ULK4: variants seen among roughly 807,000 people sequenced by gnomAD.
ULK4 encodes the protein inactive serine/threonine-protein kinase ULK4.
Under a neutral mutation model 160.6 loss-of-function variants are expected in ULK4, and 133 were observed. The observed-to-expected ratio is 0.83, with a 90% CI of 0.72 to 0.96. The LOEUF (loss-of-function observed/expected upper bound fraction) is 0.96. ULK4 is among the 40% of genes least tolerant of loss of function. The probability of loss-of-function intolerance (pLI) is 0.00; values close to 1 mark genes in which losing one functional copy is unlikely to be tolerated. For synonymous variants in ULK4, 534 were observed against 539.8 expected, an observed-to-expected ratio of 0.99 and a Z score of 0.15; for missense variants, 1,580 against 1,499.5, an observed-to-expected ratio of 1.05 and a Z score of -0.89.
chr3:41,689,030 A>G (rs1455124100), intron 27 of ULK4, among the ~76,000 whole-genome samples: 1 of 152,174 alleles, frequency 6.6e-6, no homozygotes, highest in Non-Finnish European at 1.5e-5. Flanking sequence ...CCGACTAGAG[A>G]AAGCCAAAAA....
chr3:41,507,135 C>CA (rs11368634), intron 32 of ULK4, among the ~76,000 whole-genome samples: 62,780 of 121,180 alleles, frequency 0.52, 16,646 homozygotes, highest in Admixed American at 0.64. Flanking sequence ...AGATTCCGGC[C>CA]AAAAAAAAAA....
At chr3:41,484,224 G>A (rs1043393625) in intron 32 of ULK4, among the ~76,000 whole-genome samples, 27 of 151,962 alleles carry the variant, frequency 1.8e-4, no homozygotes, top group South Asian at 4.2e-4. Flanking sequence ...AATAAATATA[G>A]GATGTCTCCA....
intron 32 of ULK4, among the ~76,000 whole-genome samples, chr3:41,518,105 A>G (rs1631110): frequency 0.42 from 64,241 of 151,970 alleles, 15,062 homozygotes; most frequent in Non-Finnish European, 0.52. Context: ...TCCAGAAATA[A>G]TTATGGTGGA....
chr3:41,780,275 T>C (rs927147946), intron 21 of ULK4, among the ~76,000 whole-genome samples: 1 of 151,978 alleles, frequency 6.6e-6, no homozygotes, highest in Non-Finnish European at 1.5e-5. Flanking sequence ...ACCACTGTAC[T>C]CCAGCCTCGG....
chr3:41,863,543 A>C (rs1200167563), intron 17 of ULK4, among the ~76,000 whole-genome samples: 1 of 151,262 alleles, frequency 6.6e-6, no homozygotes, highest in African/African-American at 2.4e-5. Flanking sequence ...ACAACTAGTT[A>C]TGTGGTAAGT....
At chr3:41,924,089 T>C (rs1451568319) in intron 5 of ULK4, among the ~76,000 whole-genome samples, 1 of 152,152 alleles carries the variant, frequency 6.6e-6, no homozygotes, top group Non-Finnish European at 1.5e-5. Flanking sequence ...TTCGATATTA[T>C]TTTTATGCAG....
At chr3:41,752,011 C>T (rs1333099698) in intron 22 of ULK4, among the ~76,000 whole-genome samples, 1 of 152,112 alleles carries the variant, frequency 6.6e-6, no homozygotes, top group African/African-American at 2.4e-5. Flanking sequence ...TGGTGAGGAA[C>T]AGGGGTATTA....
At chr3:41,784,496 AT>A (rs1223777238) in intron 21 of ULK4, among the ~76,000 whole-genome samples, 2 of 152,144 alleles carry the variant, frequency 1.3e-5, no homozygotes, top group Non-Finnish European at 2.9e-5. Context: ...TTTTACTTTG[AT>A]TTTTAATCAA....
intron 17 of ULK4, chr3:41,882,177 G>A: frequency 1.4e-6 from 1 of 702,278 alleles, no homozygotes; most frequent in Non-Finnish European, 2.6e-6. Context: ...TATTTATTTT[G>A]AAATATTTGT....
chr3:41,530,614 C>A (rs1352833629), intron 32 of ULK4, among the ~76,000 whole-genome samples: 1 of 152,120 alleles, frequency 6.6e-6, no homozygotes, highest in Non-Finnish European at 1.5e-5. Context: ...GAGTTCTCTG[C>A]CAACCTACAG....
intron 35 of ULK4, among the ~76,000 whole-genome samples, chr3:41,297,546 C>T (rs1382776502): frequency 3.9e-5 from 6 of 152,190 alleles, no homozygotes; most frequent in Non-Finnish European, 7.3e-5. Context: ...TGGATAAACA[C>T]CTATACCACC....
Position 41,911,541 on chromosome 3 carries a change from C to T in ULK4, c.1015G>A (p.Glu339Lys). 6.2e-7 allele frequency: 1 copy of T among 1,612,640 alleles called. No individual in the cohort carries two copies. The highest frequency in any genetic ancestry group is 8.5e-7 in the Non-Finnish European group (1 of 1,178,838). ...ATGAATGTGCTCAAATAAAACTTAC[C>T]TAGTCTGAAAGAGTGACCTAGTGGT... ...GQPLGHSFRL[E>K]NPTEFRPKST... The change falls in exon 10 of 37, where the codon GAA becomes AAA. Residue 339 changes from glutamate to lysine, a missense_variant and splice_region_variant. Physicochemically the swap from Glu to Lys is moderately conservative, Grantham distance 56. Coordinates refer to ENST00000301831, the MANE Select transcript of ULK4 (RefSeq NM_017886.4).
chr3:41,874,816 T>A (rs115003735), intron 17 of ULK4, among the ~76,000 whole-genome samples: 1 of 152,178 alleles, frequency 6.6e-6, no homozygotes, highest in Non-Finnish European at 1.5e-5. Flanking sequence ...AACTCATCCA[T>A]GTAATCAAAA....
intron 27 of ULK4, among the ~76,000 whole-genome samples, chr3:41,695,716 G>C (rs939039855): frequency 2.6e-5 from 4 of 152,106 alleles, no homozygotes; most frequent in African/African-American, 9.7e-5. Flanking sequence ...AAGAGACCGA[G>C]GCCACGAGCT....
intron 19 of ULK4, among the ~76,000 whole-genome samples, chr3:41,817,042 C>T (rs879679582): frequency 1.5e-4 from 22 of 151,460 alleles, no homozygotes; most frequent in Non-Finnish European, 2.8e-4. Flanking sequence ...AGAAGACACA[C>T]TTTCACTCAG....
At chr3:41,403,522 T>C (rs773820903) in intron 34 of ULK4, among the ~76,000 whole-genome samples, 12 of 152,022 alleles carry the variant, frequency 7.9e-5, no homozygotes, top group Non-Finnish European at 1.0e-4. Flanking sequence ...ATTGTACTGA[T>C]TTTTTTTCAG....
intron 30 of ULK4, among the ~76,000 whole-genome samples, chr3:41,629,369 G>T (rs2033658019): frequency 6.6e-6 from 1 of 151,876 alleles, no homozygotes; most frequent in Admixed American, 6.6e-5. Flanking sequence ...ATCTATAGCT[G>T]CATTCTCCAT....
In ULK4 at chr3:41,826,860, T is replaced by C; in HGVS notation, c.1765-7354A>G. ...CCCCAAATCAACAGAATATACATTT[T>C]TTTCAGCACCACAACACACCTATTC... On this transcript the variant is annotated intron_variant, in intron 18 of 36. Coordinates refer to ENST00000301831, the MANE Select transcript of ULK4 (RefSeq NM_017886.4). Among the ~76,000 whole-genome samples the C allele has an allele frequency of 1.4e-5, 2 of 143,350 alleles. 1 individual carries two copies. The highest frequency in any genetic ancestry group is 4.4e-4 in the South Asian group (2 of 4,554). The allele number at this position is 143,350 out of a possible 152,430, so 94.0% of individuals were successfully genotyped here. A position where few individuals can be genotyped will look rare whatever the true frequency, so the allele number is the denominator to read the frequency against.
At chr3:41,954,832 T>C (rs1700429971) in intron 1 of ULK4, 25 bp from the exon 2 acceptor site, 2 of 1,428,118 alleles carry the variant, frequency 1.4e-6, no homozygotes, top group East Asian at 2.3e-5. Context: ...AAAATGACAT[T>C]GATAAATGCA....
Sources: allele counts gnomAD v4.1 joint callset (sites outside exome capture counted in the v4.1 genomes callset), GRCh38; gene constraint gnomAD v4.1.1; transcripts MANE v1.5; gene names NCBI Gene and HGNC (gene_info 2026-07-23, HGNC 2026-07-21).